The following TTLL5 variants were observed in gnomAD, a reference collection of about 807,000 sequenced individuals.
TTLL5 encodes tubulin polyglutamylase TTLL5.
In TTLL5, 132 loss-of-function variants were observed where a neutral mutation model predicts 168.4. That is an observed-to-expected ratio of 0.78 (90% CI 0.68 to 0.91). The LOEUF (loss-of-function observed/expected upper bound fraction) is 0.91, where lower values mean the gene tolerates loss of function less well. Among genes scored for constraint, TTLL5 ranks in the 40% least tolerant of loss-of-function variants. The pLI is 0.00. For missense variants in TTLL5, 1,545 were observed against 1,581.5 expected (o/e 0.98, Z 0.39); for synonymous variants, 546 against 558.6 (o/e 0.98, Z 0.32).
At chr14:75,896,815 A>G (rs2032683636) in intron 30 of TTLL5, among the ~76,000 whole-genome samples, 2 of 152,120 alleles carry the variant, frequency 1.3e-5, no homozygotes, top group Admixed American at 1.3e-4. Flanking sequence ...CATGTCAGAA[A>G]CCTTACCAGC....
intron 31 of TTLL5, among the ~76,000 whole-genome samples, chr14:75,938,963 A>G (rs2034513773): frequency 6.6e-6 from 1 of 152,202 alleles, no homozygotes; most frequent in Admixed American, 6.5e-5. Context: ...GCAGTGGGTC[A>G]TCCAATCAGT....
chr14:75,828,679 A>G (rs1895376836), intron 28 of TTLL5, among the ~76,000 whole-genome samples: 1 of 152,224 alleles, frequency 6.6e-6, no homozygotes, highest in Admixed American at 6.5e-5. Context: ...GGTTGCACCA[A>G]GTAAAACTAA....
chr14:75,769,228 CTG>C (rs773676311), intron 20 of TTLL5, among the ~76,000 whole-genome samples: 1 of 152,130 alleles, frequency 6.6e-6, no homozygotes, highest in Non-Finnish European at 1.5e-5. Context: ...GGTTTTCAGA[CTG>C]TGTTCCCTAA....
At chr14:75,746,130 G>T (rs1889593408) in intron 17 of TTLL5, among the ~76,000 whole-genome samples, 1 of 152,048 alleles carries the variant, frequency 6.6e-6, no homozygotes, top group Non-Finnish European at 1.5e-5. Flanking sequence ...TGACATTACA[G>T]TTTTTCTACA....
chr14:75,841,193 A>T (rs1896217140), intron 28 of TTLL5, among the ~76,000 whole-genome samples: 1 of 152,238 alleles, frequency 6.6e-6, no homozygotes. Context: ...TCAACATGAG[A>T]TTTGGAGGGG....
chr14:75,936,140 A>C (rs1217689449), intron 31 of TTLL5, among the ~76,000 whole-genome samples: 1 of 152,032 alleles, frequency 6.6e-6, no homozygotes, highest in Non-Finnish European at 1.5e-5. Flanking sequence ...TGTAATTTTT[A>C]CATAGTTTTT....
intron 30 of TTLL5, among the ~76,000 whole-genome samples, chr14:75,888,749 C>T (rs1184456342): frequency 6.6e-6 from 1 of 151,912 alleles, no homozygotes; most frequent in East Asian, 1.9e-4. Flanking sequence ...GCCTGGCCAA[C>T]ATGGTAAAAG....
intron 26 of TTLL5, among the ~76,000 whole-genome samples, chr14:75,788,040 C>T (rs1364884439): frequency 1.3e-5 from 2 of 152,072 alleles, no homozygotes; most frequent in Non-Finnish European, 2.9e-5. Context: ...AGTCCAAGCT[C>T]CCTAGGAGGC....
chr14:75,704,473 A>G lies in TTLL5; in HGVS notation c.586-2545A>G, dbSNP rs1886506376. Among the ~76,000 whole-genome samples, 3 of 152,190 alleles carry G rather than the reference A, an allele frequency of 2.0e-5. 1 individual carries two copies. Among genetic ancestry groups the G allele is most frequent in the Admixed American group, 2.0e-4 (3 of 15,284 alleles). On this transcript the variant is annotated intron_variant, in intron 7 of 31. Transcript: ENST00000298832. ...GCAGTTGCTTGAACCTAGGAAGTGG[A>G]GGTTGCAGTGAGCTGAAATAACACC...
At chr14:75,874,933 CTTTTT>C (rs1555353208) in intron 29 of TTLL5, among the ~76,000 whole-genome samples, 1 of 97,546 alleles carries the variant, frequency 1.0e-5, no homozygotes, top group Non-Finnish European at 1.8e-5. Context: ...CACTGGGGGC[CTTTTT>C]TTTTTTTTTT....
chr14:75,672,241 T>C (rs1289843033), intron 3 of TTLL5, among the ~76,000 whole-genome samples: 1 of 152,158 alleles, frequency 6.6e-6, no homozygotes, highest in Admixed American at 6.5e-5. Context: ...TATTTTATTT[T>C]ATTTTGTTTT....
intron 24 of TTLL5, among the ~76,000 whole-genome samples, chr14:75,780,261 C>T (rs1044189119): frequency 1.1e-4 from 16 of 152,138 alleles, no homozygotes; most frequent in Non-Finnish European, 1.9e-4. Context: ...CAGGAGAATT[C>T]TTTGTCGTGT....
At chr14:75,701,598 T>G (rs917813586) in intron 7 of TTLL5, among the ~76,000 whole-genome samples, 1 of 152,208 alleles carries the variant, frequency 6.6e-6, no homozygotes, top group Non-Finnish European at 1.5e-5. Context: ...ATTTTGGTGA[T>G]CTCCCTCTTG....
chr14:75,868,526 C>G (rs1487395398), intron 29 of TTLL5, among the ~76,000 whole-genome samples: 1 of 152,182 alleles, frequency 6.6e-6, no homozygotes, highest in Non-Finnish European at 1.5e-5. Context: ...ATAATCCTAG[C>G]AGAAACTAAT....
At chr14:75,874,780 CAAAGT>C (rs768923564) in intron 29 of TTLL5, among the ~76,000 whole-genome samples, 2 of 151,918 alleles carry the variant, frequency 1.3e-5, no homozygotes, top group Non-Finnish European at 2.9e-5. Context: ...TCTTAAAAAG[CAAAGT>C]AAACTGGTAA....
chr14:75,904,191 C>T lies in TTLL5; in HGVS notation c.3823+1967C>T, dbSNP rs1354864422. On this transcript the variant is annotated intron_variant, in intron 31 of 31. Coordinates refer to ENST00000298832, the MANE Select transcript of TTLL5 (RefSeq NM_015072.5). Reference sequence around the variant, plus strand: ...GAAATACTTGATGGGTATCTATTCACCTCACTCCTCCAAAAAAAAAAAAAA... The same window carrying T: ...GAAATACTTGATGGGTATCTATTCATCTCACTCCTCCAAAAAAAAAAAAAA... 5.8e-6 allele frequency: 7 copies of T among 1,203,946 alleles called. No homozygotes were observed. In the Admixed American group the frequency reaches 1.1e-4, roughly 19 times the overall value. 74.6% of individuals were successfully genotyped at this position (1,203,946 alleles called of 1,614,324 possible).
chr14:75,714,380 A>G (rs967878261), intron 9 of TTLL5, among the ~76,000 whole-genome samples: 3 of 152,122 alleles, frequency 2.0e-5, no homozygotes, highest in African/African-American at 7.2e-5. Flanking sequence ...TTCATTCTTC[A>G]TCTCATTTCT....
intron 18 of TTLL5, among the ~76,000 whole-genome samples, chr14:75,753,728 G>T (rs1018031653): frequency 2.6e-5 from 4 of 152,084 alleles, no homozygotes; most frequent in Non-Finnish European, 4.4e-5. Flanking sequence ...ACATTGTGTA[G>T]ATTCTAAAGA....
At chr14:75,783,898 T>C (rs1169293134) in intron 26 of TTLL5, among the ~76,000 whole-genome samples, 5 of 152,244 alleles carry the variant, frequency 3.3e-5, no homozygotes, top group African/African-American at 1.2e-4. Context: ...AGTTAGTTTT[T>C]AGGCAAGAAT....
Sources: allele counts gnomAD v4.1 joint callset (sites outside exome capture counted in the v4.1 genomes callset), GRCh38; gene constraint gnomAD v4.1.1; transcripts MANE v1.5; gene names NCBI Gene and HGNC (gene_info 2026-07-23, HGNC 2026-07-21).